ZNRF3: variants seen among roughly 807,000 people sequenced by gnomAD.
The protein encoded by ZNRF3 is zinc and ring finger 3, also known as E3 ubiquitin-protein ligase ZNRF3.
ZNRF3 carries 23 observed loss-of-function variants against 72.5 expected under a neutral mutation model. That is an observed-to-expected ratio of 0.32 (90% CI 0.23 to 0.45). The LOEUF is 0.45. ZNRF3 is among the 20% of genes least tolerant of loss of function. The probability of loss-of-function intolerance (pLI) is 1.00; values close to 1 mark genes in which losing one functional copy is unlikely to be tolerated. For synonymous variants in ZNRF3, 610 were observed against 545.3 expected (o/e 1.12, Z -1.65); for missense variants, 1,169 against 1,272.1 (o/e 0.92, Z 1.23).
In ZNRF3 at chr22:29,012,569, T is replaced by G. The variant is rs532850833; in HGVS notation, c.426+25368T>G. 1.2e-4 allele frequency among the ~76,000 whole-genome samples: 18 copies of G among 152,316 alleles called. No individual in the cohort carries two copies. In the South Asian group the frequency reaches 3.5e-3, roughly 30 times the overall value. On this transcript the variant is annotated intron_variant, in intron 2 of 8. Transcript: ENST00000544604. Reference sequence around the variant, plus strand: ...TGGTCAGTGAATGATACAATCAATTTTAGATAGTTGTGGATAACTGAAGTG... The same window carrying G: ...TGGTCAGTGAATGATACAATCAATTGTAGATAGTTGTGGATAACTGAAGTG...
intron 1 of ZNRF3, 51 bp from the exon 2 acceptor site, chr22:28,987,025 A>T: frequency 6.3e-7 from 1 of 1,580,498 alleles, no homozygotes; most frequent in Non-Finnish European, 8.6e-7. Context: ...ATATGAGTCA[A>T]GCAAATGTGT....
At chr22:29,004,291 A>G (rs900098116) in intron 2 of ZNRF3, among the ~76,000 whole-genome samples, 2 of 152,120 alleles carry the variant, frequency 1.3e-5, no homozygotes, top group Non-Finnish European at 2.9e-5. Context: ...GACTTTAGTC[A>G]TATTGCTTCT....
intron 2 of ZNRF3, among the ~76,000 whole-genome samples, chr22:29,038,376 G>T (rs565177381): frequency 2.0e-5 from 3 of 148,506 alleles, no homozygotes; most frequent in African/African-American, 5.0e-5. Flanking sequence ...TCGCCCTGTC[G>T]CCCAGGCTGG....
At chr22:28,985,711 ACTT>A (rs1569271070) in intron 1 of ZNRF3, among the ~76,000 whole-genome samples, 13 of 152,204 alleles carry the variant, frequency 8.5e-5, no homozygotes, top group Non-Finnish European at 1.8e-4. Flanking sequence ...TGGAAAAGCC[ACTT>A]ATCTTGGATT....
intron 1 of ZNRF3, among the ~76,000 whole-genome samples, chr22:28,906,362 A>G (rs896473118): frequency 2.0e-5 from 3 of 152,148 alleles, no homozygotes; most frequent in Non-Finnish European, 2.9e-5. Context: ...AATCTACTGT[A>G]TGTTGCATTG....
chr22:29,029,606 T>C lies in ZNRF3; in HGVS notation c.427-12889T>C, dbSNP rs113128699. On this transcript the variant is annotated intron_variant, in intron 2 of 8. Coordinates refer to ENST00000544604, the MANE Select transcript of ZNRF3 (RefSeq NM_001206998.2). ...TGCCCTATCTGAATTTTAAAATAACTGCGAAACTTCTAAAAAATATATTGC... is the reference window on the plus strand; with the variant it reads ...TGCCCTATCTGAATTTTAAAATAACCGCGAAACTTCTAAAAAATATATTGC... Among the ~76,000 whole-genome samples, 623 of 144,642 alleles carry C rather than the reference T, an allele frequency of 4.3e-3. 6 individuals are homozygous for C. Among genetic ancestry groups the C allele is most frequent in the Middle Eastern group, 0.031 (9 of 286 alleles). The allele number at this position is 144,642 out of a possible 152,430, so 94.9% of individuals were successfully genotyped here.
In ZNRF3 at chr22:28,884,054, C is replaced by T; in HGVS notation, c.288C>T (p.Gly96=). The T allele has an allele frequency of 2.4e-6, 3 of 1,257,210 alleles. No individual in the cohort carries two copies. The highest frequency in any genetic ancestry group is 1.4e-5 in the South Asian group (1 of 69,178). The allele number at this position is 1,257,210 out of a possible 1,614,324, so 77.9% of individuals were successfully genotyped here. A position where few individuals can be genotyped will look rare whatever the true frequency, so the allele number is the denominator to read the frequency against. The change falls in exon 1 of 9, where the codon GGC becomes GGT. Residue 96 remains glycine (G), a synonymous_variant. Coordinates refer to ENST00000544604, the MANE Select transcript of ZNRF3 (RefSeq NM_001206998.2). ...SRAGATLSAE[G]EIVQMHPLGL... is the part of the protein sequence containing the mutation. ...CCGGGGCCACGCTCAGCGCCGAGGG[C>T]GAGATCGTGCAGGTAGCTGCCCGCC...
At chr22:28,963,468 G>C (rs186333764) in intron 1 of ZNRF3, among the ~76,000 whole-genome samples, 2 of 152,160 alleles carry the variant, frequency 1.3e-5, no homozygotes, top group African/African-American at 4.8e-5. Context: ...GGAGAGGGGG[G>C]TAGGGAGGGA....
intron 2 of ZNRF3, among the ~76,000 whole-genome samples, chr22:28,991,759 A>G (rs2035957590): frequency 6.6e-6 from 1 of 152,170 alleles, no homozygotes; most frequent in Admixed American, 6.5e-5. Context: ...AGCTTACAAG[A>G]GCCAAGATCT....
At chr22:28,893,412 T>G (rs1426461559) in intron 1 of ZNRF3, among the ~76,000 whole-genome samples, 1 of 152,178 alleles carries the variant, frequency 6.6e-6, no homozygotes, top group Non-Finnish European at 1.5e-5. Flanking sequence ...TTTTTCTGAT[T>G]TATTCGAGAG....
intron 2 of ZNRF3, among the ~76,000 whole-genome samples, chr22:29,038,967 G>C (rs932302): frequency 6.0e-5 from 9 of 148,798 alleles, no homozygotes; most frequent in Non-Finnish European, 1.2e-4. Flanking sequence ...TATATATATA[G>C]AGAGAGAGAG....
rs1301165778 is a variant in ZNRF3, at chr22:29,048,508, T to G, written c.1015+17T>G. The G allele has an allele frequency of 1.9e-6, 3 of 1,612,780 alleles. No individual in the cohort carries two copies. Among genetic ancestry groups the G allele is most frequent in the South Asian group, 2.2e-5 (2 of 91,058 alleles). ...ACATCATAGGTAACTGTCACCCGCC[T>G]TAGCCATTGCTGAAGAGTCAAGTGC... On this transcript the variant is annotated intron_variant, in intron 7 of 8. Transcript: ENST00000544604. This position sits in a 1 kb window ranked among gnomAD's most constrained non-coding sequence, Gnocchi z 4.9.
In ZNRF3 at chr22:29,053,729, A is replaced by T; in HGVS notation, c.*107A>T. ...ATTTTTTTAGCTTTGACAAACACAC[A>T]AAAGTGGTAATAAAGAGAGCCCTCC... On this transcript the variant is annotated 3_prime_UTR_variant, in exon 9 of 9. Coordinates refer to ENST00000544604, the MANE Select transcript of ZNRF3 (RefSeq NM_001206998.2). The T allele has an allele frequency of 1.7e-6, 2 of 1,185,798 alleles. No homozygotes were observed. The highest frequency in any genetic ancestry group is 1.2e-6 in the Non-Finnish European group (1 of 838,710). 73.5% of individuals were successfully genotyped at this position (1,185,798 alleles called of 1,614,324 possible). A position where few individuals can be genotyped will look rare whatever the true frequency, so the allele number is the denominator to read the frequency against.
chr22:28,956,779 T>C (rs536850644), intron 1 of ZNRF3, among the ~76,000 whole-genome samples: 1 of 152,354 alleles, frequency 6.6e-6, no homozygotes, highest in East Asian at 1.9e-4. Context: ...CAGGGCTTCC[T>C]GTCCAGGAGG....
intron 1 of ZNRF3, among the ~76,000 whole-genome samples, chr22:28,946,533 T>C (rs1236056265): frequency 6.6e-6 from 1 of 152,252 alleles, no homozygotes; most frequent in Non-Finnish European, 1.5e-5. Flanking sequence ...ACTGGTTGTT[T>C]ATGAGAAAGT....
In ZNRF3 at chr22:29,049,897, T is replaced by C. The variant is rs756917754; in HGVS notation, c.1716T>C (p.Thr572=). Reference sequence around the variant, plus strand: ...CCAGTGACTCTGTGGTAGACTGCACTGAGGTCAGCAACCAGGGCGTGTACG... The same window carrying C: ...CCAGTGACTCTGTGGTAGACTGCACCGAGGTCAGCAACCAGGGCGTGTACG... ...CSSSDSVVDC[T]EVSNQGVYGS... is the part of the protein sequence containing the mutation. Residue 572 remains threonine, a synonymous_variant, in exon 8 of 9, where the codon ACT becomes ACC. Coordinates refer to ENST00000544604, the MANE Select transcript of ZNRF3 (RefSeq NM_001206998.2). The surrounding 1 kb of genome is among the most constrained non-coding windows in gnomAD (Gnocchi z 5.2). 1 of 1,603,258 alleles carries C rather than the reference T, an allele frequency of 6.2e-7. No individual in the cohort carries two copies. Among genetic ancestry groups the C allele is most frequent in the Non-Finnish European group, 8.5e-7 (1 of 1,174,396 alleles).
rs568041311 is a variant in ZNRF3 at position 29,055,396 on chromosome 22, T to C, written c.*1774T>C. On this transcript the variant is annotated 3_prime_UTR_variant, in exon 9 of 9. Coordinates refer to ENST00000544604, the MANE Select transcript of ZNRF3 (RefSeq NM_001206998.2). ...GGTAGGAGAACAAGGACCACCTGGG[T>C]TCTCCAGTCTTGAACGAGAATCTCA... The C allele has an allele frequency of 6.6e-6, 1 of 152,326 alleles. No homozygotes were observed. Among genetic ancestry groups the C allele is most frequent in the Non-Finnish European group, 1.5e-5 (1 of 68,028 alleles). The allele number at this position is 152,326 out of a possible 1,614,324, so 9.4% of individuals were successfully genotyped here.
chr22:28,988,488 T>C (rs2035895329), intron 2 of ZNRF3, among the ~76,000 whole-genome samples: 1 of 152,182 alleles, frequency 6.6e-6, no homozygotes, highest in Non-Finnish European at 1.5e-5. Flanking sequence ...TAACTTCAAG[T>C]CACTTGTCAA....
intron 1 of ZNRF3, among the ~76,000 whole-genome samples, chr22:28,929,446 G>A (rs1289921445): frequency 6.6e-6 from 1 of 152,178 alleles, no homozygotes; most frequent in African/African-American, 2.4e-5. Flanking sequence ...TCCCAGTTAT[G>A]ACAACTAGAA....
Sources: allele counts gnomAD v4.1 joint callset (sites outside exome capture counted in the v4.1 genomes callset), GRCh38; gene constraint gnomAD v4.1.1; non-coding constraint Gnocchi (gnomAD v3.1); transcripts MANE v1.5; gene names NCBI Gene and HGNC (gene_info 2026-07-23, HGNC 2026-07-21).